The following FCHO2 variants were observed in gnomAD, a reference collection of about 807,000 sequenced individuals.
FCHO2 encodes the protein FCH and mu domain containing endocytic adaptor 2, also known as F-BAR domain only protein 2.
FCHO2 carries 43 observed loss-of-function variants against 114.1 expected under a neutral mutation model. The ratio of observed to expected loss-of-function variants is 0.38; its 90% CI spans 0.30 to 0.49. The LOEUF is 0.49. Ranked by LOEUF, FCHO2 falls within the 20% of genes least tolerant of loss-of-function variation. The pLI is 0.97. For missense variants in FCHO2, 807 were observed against 950.4 expected (o/e 0.85, Z 1.98); for synonymous variants, 293 against 315.2 (o/e 0.93, Z 0.75).
At chr5:73,034,570 TA>T (rs1756400403) in intron 8 of FCHO2, 86 bp from the exon 9 acceptor site, 2 of 994,702 alleles carry the variant, frequency 2.0e-6, no homozygotes, top group Admixed American at 2.7e-5. Flanking sequence ...AAAAGTAGAA[TA>T]AAAAATTTAA....
At chr5:73,078,598 A>C (rs1214553078) in intron 22 of FCHO2, among the ~76,000 whole-genome samples, 1 of 152,226 alleles carries the variant, frequency 6.6e-6, no homozygotes, top group East Asian at 1.9e-4. Context: ...CAAAGTAATC[A>C]ATTAAAGTTA....
At chr5:73,081,268 G>A (rs1246443180) in intron 22 of FCHO2, among the ~76,000 whole-genome samples, 1 of 152,210 alleles carries the variant, frequency 6.6e-6, no homozygotes, top group Non-Finnish European at 1.5e-5. Flanking sequence ...TGGACAAGGA[G>A]CTTAAGAATT....
chr5:73,037,907 C>T (rs529881852), intron 10 of FCHO2: 6 of 308,866 alleles, frequency 1.9e-5, no homozygotes, highest in Non-Finnish European at 3.9e-5. Flanking sequence ...TTACGGCGCC[C>T]ACCACCACAT....
At position 73,037,233 on chromosome 5, in the gene FCHO2, C is replaced by T. The variant is rs193271912; in HGVS notation, c.914+18C>T. On this transcript the variant is annotated intron_variant, in intron 10 of 25. Transcript: ENST00000430046. ...GAATCTGTGTAAGTATTTTAAATAT[C>T]GTCAAAATCCTTTTTGTTTTTATAA... 1.5e-4 allele frequency: 224 copies of T among 1,529,868 alleles called. 1 individual carries two copies. In the East Asian group the frequency reaches 2.5e-3, roughly 17 times the overall value. 94.8% of individuals were successfully genotyped at this position (1,529,868 alleles called of 1,614,324 possible).
intron 1 of FCHO2, among the ~76,000 whole-genome samples, chr5:72,965,024 T>A (rs552225396): frequency 6.0e-5 from 9 of 151,180 alleles, no homozygotes; most frequent in African/African-American, 2.2e-4. Flanking sequence ...AAACAGTGTA[T>A]AAAGGGTTCA....
chr5:73,018,523 CT>C lies in FCHO2; in HGVS notation c.796+1230del, dbSNP rs70973220. On this transcript the variant is annotated intron_variant, in intron 8 of 25. Coordinates refer to ENST00000430046, the MANE Select transcript of FCHO2 (RefSeq NM_138782.3). Reference sequence around the variant, plus strand: ...ACCAGATTTTAGTCTTAACTTTCTTCTTTTTTTTTTTTTTTGTTTCAACCAC... The same window carrying C: ...ACCAGATTTTAGTCTTAACTTTCTTCTTTTTTTTTTTTTTGTTTCAACCAC... 4.9e-3 allele frequency among the ~76,000 whole-genome samples: 645 copies of C among 131,912 alleles called. 1 individual carries two copies. Among genetic ancestry groups the C allele is most frequent in the East Asian group, 4.5e-3 (20 of 4,488 alleles). The allele number at this position is 131,912 out of a possible 152,430, so 86.5% of individuals were successfully genotyped here. A position where few individuals can be genotyped will look rare whatever the true frequency, so the allele number is the denominator to read the frequency against.
intron 20 of FCHO2, 35 bp from the exon 21 acceptor site, chr5:73,077,302 AT>A: frequency 6.5e-7 from 1 of 1,533,628 alleles, no homozygotes; most frequent in Non-Finnish European, 8.8e-7. Flanking sequence ...AGATTAGAGC[AT>A]TTTATTTAAA....
intron 2 of FCHO2, among the ~76,000 whole-genome samples, chr5:72,981,609 A>G (rs755287952): frequency 5.9e-5 from 9 of 152,330 alleles, no homozygotes; most frequent in Non-Finnish European, 1.3e-4. Flanking sequence ...GTGGTTTCAC[A>G]TAGTCCCATA....
intron 2 of FCHO2, among the ~76,000 whole-genome samples, chr5:72,977,531 T>G (rs956340327): frequency 6.6e-6 from 1 of 152,240 alleles, no homozygotes; most frequent in Non-Finnish European, 1.5e-5. Flanking sequence ...CTTTGTCAGA[T>G]GGATAGGTTG....
chr5:73,061,646 C>T (rs913658620), intron 17 of FCHO2, among the ~76,000 whole-genome samples: 1 of 152,034 alleles, frequency 6.6e-6, no homozygotes, highest in East Asian at 1.9e-4. Context: ...CAGCACCACT[C>T]GAGAGCACAG....
chr5:73,049,214 A>AT (rs1757232010), intron 11 of FCHO2, among the ~76,000 whole-genome samples: 1 of 152,074 alleles, frequency 6.6e-6, no homozygotes, highest in African/African-American at 2.4e-5. Flanking sequence ...TTTTCTTGGT[A>AT]GTCTTTTATT....
At chr5:73,078,037 T>G (rs908151426) in intron 21 of FCHO2, 143 bp from the exon 22 acceptor site, 6 of 539,884 alleles carry the variant, frequency 1.1e-5, no homozygotes, top group Non-Finnish European at 1.9e-5. Context: ...CTGTGTTCCA[T>G]TCTTCATCCC....
intron 6 of FCHO2, among the ~76,000 whole-genome samples, chr5:73,013,033 T>A (rs1755105118): frequency 6.6e-6 from 1 of 152,236 alleles, no homozygotes; most frequent in Non-Finnish European, 1.5e-5. Flanking sequence ...AATATCTTGT[T>A]TATTAAATTG....
intron 2 of FCHO2, among the ~76,000 whole-genome samples, chr5:72,979,437 G>T (rs1469698309): frequency 8.4e-6 from 1 of 118,894 alleles, no homozygotes; most frequent in Non-Finnish European, 1.6e-5. Context: ...TGTCGCCCAG[G>T]CTGGAGTGCA....
At chr5:73,084,506 T>G (rs1647029436) in intron 24 of FCHO2, among the ~76,000 whole-genome samples, 1 of 152,234 alleles carries the variant, frequency 6.6e-6, no homozygotes, top group African/African-American at 2.4e-5. Flanking sequence ...CCTCAGTTGA[T>G]CTGCCAGCCT....
At chr5:72,964,627 A>T (rs930567985) in intron 1 of FCHO2, among the ~76,000 whole-genome samples, 1 of 152,104 alleles carries the variant, frequency 6.6e-6, no homozygotes, top group African/African-American at 2.4e-5. Flanking sequence ...ACCTCAGGTG[A>T]TCCACCCACC....
intron 13 of FCHO2, among the ~76,000 whole-genome samples, chr5:73,053,849 A>G (rs1757451120): frequency 6.6e-6 from 1 of 152,076 alleles, no homozygotes; most frequent in Admixed American, 6.6e-5. Context: ...GAGATTGTGA[A>G]TAGTTTTAAA....
chr5:73,079,609 C>T (rs1743027937), intron 22 of FCHO2, among the ~76,000 whole-genome samples: 1 of 152,008 alleles, frequency 6.6e-6, no homozygotes, highest in Non-Finnish European at 1.5e-5. Flanking sequence ...GATACCATAC[C>T]ATAAAGGTAC....
intron 22 of FCHO2, among the ~76,000 whole-genome samples, chr5:73,081,409 T>C (rs997947295): frequency 6.6e-6 from 1 of 152,228 alleles, no homozygotes; most frequent in African/African-American, 2.4e-5. Flanking sequence ...TTATAATGTA[T>C]GAAGAATCTT....
Sources: allele counts gnomAD v4.1 joint callset (sites outside exome capture counted in the v4.1 genomes callset), GRCh38; gene constraint gnomAD v4.1.1; transcripts MANE v1.5; gene names NCBI Gene and HGNC (gene_info 2026-07-23, HGNC 2026-07-21).